ACAD11: variants seen among roughly 807,000 people sequenced by gnomAD.
The protein encoded by ACAD11 is acyl-CoA dehydrogenase family member 11.
In ACAD11, 83 loss-of-function variants were observed where a neutral mutation model predicts 102.2. The observed-to-expected ratio is 0.81, with a 90% CI of 0.68 to 0.97. The LOEUF (loss-of-function observed/expected upper bound fraction) is 0.97. Among genes scored for constraint, ACAD11 ranks in the 50% least tolerant of loss-of-function variants. The probability of loss-of-function intolerance (pLI) is 0.00; values close to 1 mark genes in which losing one functional copy is unlikely to be tolerated. For missense variants in ACAD11, 901 were observed against 951.7 expected (o/e 0.95, Z 0.70); for synonymous variants, 324 against 319.8 (o/e 1.01, Z -0.14).
intron 11 of ACAD11, among the ~76,000 whole-genome samples, chr3:132,617,277 C>T (rs915643941): frequency 6.6e-6 from 1 of 152,114 alleles, no homozygotes; most frequent in Non-Finnish European, 1.5e-5. Context: ...GGGATGGAGG[C>T]TGGGAATCTA....
chr3:132,585,746 A>C (rs944213189), intron 13 of ACAD11, among the ~76,000 whole-genome samples: 1 of 152,286 alleles, frequency 6.6e-6, no homozygotes, highest in Non-Finnish European at 1.5e-5. Context: ...AAAAATGCTC[A>C]TCATCACTGG....
chr3:132,617,255 T>C (rs1939442955), intron 11 of ACAD11, among the ~76,000 whole-genome samples: 1 of 152,140 alleles, frequency 6.6e-6, no homozygotes, highest in South Asian at 2.1e-4. Flanking sequence ...ATATACTGAA[T>C]CAGAATCTCT....
intron 13 of ACAD11, chr3:132,600,566 G>A (rs1938529409): frequency 1.2e-6 from 2 of 1,613,938 alleles, no homozygotes; most frequent in East Asian, 4.5e-5. Flanking sequence ...CATTGGACTT[G>A]CAGGCAATTC....
chr3:132,572,586 G>T (rs533020049), intron 17 of ACAD11, among the ~76,000 whole-genome samples: 1 of 152,152 alleles, frequency 6.6e-6, no homozygotes, highest in East Asian at 1.9e-4. Context: ...AAATAGCCAA[G>T]GCACTCCTAA....
intron 1 of ACAD11, among the ~76,000 whole-genome samples, chr3:132,656,017 G>A (rs1445591398): frequency 1.3e-5 from 2 of 152,140 alleles, no homozygotes; most frequent in Non-Finnish European, 2.9e-5. Flanking sequence ...GAAAATTACT[G>A]TCTTTGAAAC....
At chr3:132,576,378 A>G (rs1407291367) in intron 16 of ACAD11, among the ~76,000 whole-genome samples, 1 of 152,216 alleles carries the variant, frequency 6.6e-6, no homozygotes, top group Non-Finnish European at 1.5e-5. Flanking sequence ...GAACACAAAA[A>G]CATTCCTGGA....
At position 132,639,566 on chromosome 3, in the gene ACAD11, G is replaced by A. The variant is rs140805885; in HGVS notation, c.628C>T (p.Pro210Ser). The part of the protein sequence containing the change: ...QLSEWLMKNL[P>S]DNDNEENLIH... ...AAATTCTCTTCATTGTCATTATCGGGCAAGTTCTTCATTAGCCACTCCGAT... is the reference window on the plus strand; with the variant it reads ...AAATTCTCTTCATTGTCATTATCGGACAAGTTCTTCATTAGCCACTCCGAT... The change falls in exon 5 of 20, where the codon CCC becomes TCC. Residue 210 changes from proline to serine, a missense_variant. Coordinates refer to ENST00000264990, the MANE Select transcript of ACAD11 (RefSeq NM_032169.5). 1.9e-6 allele frequency: 3 copies of A among 1,613,742 alleles called. No individual in the cohort carries two copies. The highest frequency in any genetic ancestry group is 1.3e-5 in the African/African-American group (1 of 74,876).
At position 132,631,475 on chromosome 3, in the gene ACAD11, C is replaced by T. The variant is rs749121747; in HGVS notation, c.707G>A (p.Arg236Gln). Residue 236 changes from arginine (R) to glutamine (Q), a missense_variant, in exon 6 of 20, where the codon CGA (arginine) becomes CAA (glutamine). Coordinates refer to ENST00000264990, the MANE Select transcript of ACAD11 (RefSeq NM_032169.5). Reference protein sequence around the residue: ...DNIVFHPKECRVIAVLDWELS... With the variant: ...DNIVFHPKECQVIAVLDWELS... ...CTCCCAATCCAGCACTGCTATAACT[C>T]GACACTGTAATTAAAAATAAAGAGG... 59 of 1,469,644 alleles carry T rather than the reference C, an allele frequency of 4.0e-5. No homozygotes were observed. Among genetic ancestry groups the T allele is most frequent in the Middle Eastern group, 1.8e-4 (1 of 5,550 alleles). The allele number at this position is 1,469,644 out of a possible 1,614,324, so 91.0% of individuals were successfully genotyped here.
intron 13 of ACAD11, among the ~76,000 whole-genome samples, chr3:132,589,829 A>G (rs1938000635): frequency 6.6e-6 from 1 of 152,116 alleles, no homozygotes; most frequent in Non-Finnish European, 1.5e-5. Context: ...TAAGCCCAGT[A>G]CCCAATTGTT....
chr3:132,564,382 C>T (rs1299262459), intron 17 of ACAD11, among the ~76,000 whole-genome samples: 1 of 152,064 alleles, frequency 6.6e-6, no homozygotes, highest in Non-Finnish European at 1.5e-5. Context: ...CCAGTAATAC[C>T]ATCTGGGCCT....
chr3:132,562,735 T>G (rs537005511), intron 17 of ACAD11, among the ~76,000 whole-genome samples: 1 of 152,354 alleles, frequency 6.6e-6, no homozygotes, highest in South Asian at 2.1e-4. Flanking sequence ...TTTGGTGATA[T>G]GTCTGTTAAA....
chr3:132,628,770 TG>T (rs1939922181), intron 7 of ACAD11, among the ~76,000 whole-genome samples: 2 of 152,092 alleles, frequency 1.3e-5, no homozygotes, highest in Admixed American at 6.6e-5. Context: ...TCCTTCATAA[TG>T]GGGGAAAATC....
intron 13 of ACAD11, among the ~76,000 whole-genome samples, chr3:132,598,835 C>T (rs1051430496): frequency 2.3e-4 from 35 of 152,244 alleles, no homozygotes; most frequent in African/African-American, 8.2e-4. Flanking sequence ...TGAAGGGAGC[C>T]TTGGGTGTTA....
chr3:132,624,777 C>A (rs561729216), intron 9 of ACAD11, among the ~76,000 whole-genome samples: 1 of 151,688 alleles, frequency 6.6e-6, no homozygotes, highest in East Asian at 2.0e-4. Context: ...ACCTCTGCCT[C>A]CCAGGTTCAA....
chr3:132,626,563 T>C, intron 9 of ACAD11, 128 bp downstream of exon 9: 1 of 1,071,840 alleles, frequency 9.3e-7, no homozygotes, highest in Non-Finnish European at 1.3e-6. Context: ...AGTTCTAAGG[T>C]GAGAAGAAGA....
intron 13 of ACAD11, among the ~76,000 whole-genome samples, chr3:132,583,705 C>G (rs1937667299): frequency 6.6e-6 from 1 of 152,092 alleles, no homozygotes; most frequent in Admixed American, 6.6e-5. Flanking sequence ...AAATTTCCCT[C>G]TACACACTGC....
intron 12 of ACAD11, 160 bp downstream of exon 12, chr3:132,604,938 T>G: frequency 2.0e-6 from 1 of 507,184 alleles, no homozygotes; most frequent in Admixed American, 3.4e-5. Context: ...CATTTGAAAA[T>G]GCCAAAATTT....
intron 11 of ACAD11, among the ~76,000 whole-genome samples, chr3:132,612,097 T>C (rs1044419809): frequency 3.3e-5 from 5 of 151,888 alleles, no homozygotes; most frequent in East Asian, 1.9e-4. Flanking sequence ...TGATCTTTGA[T>C]AAACCTGACA....
chr3:132,635,093 TA>T (rs927626703), intron 5 of ACAD11, among the ~76,000 whole-genome samples: 3 of 149,916 alleles, frequency 2.0e-5, no homozygotes, highest in African/African-American at 7.3e-5. Flanking sequence ...AATAAAAAAA[TA>T]AAAAAATAAA....
Sources: gnomAD v4.1 joint callset for allele counts (sites outside exome capture counted in the v4.1 genomes callset) on GRCh38, gnomAD v4.1.1 for gene constraint, MANE v1.5 for transcripts, NCBI Gene and HGNC (gene_info 2026-07-23, HGNC 2026-07-21) for gene names.